The following WDR17 variants were observed in gnomAD, a reference collection of about 807,000 sequenced individuals.
The protein encoded by WDR17 is WD repeat-containing protein 17.
WDR17 carries 143 observed loss-of-function variants against 161.7 expected under a neutral mutation model. That is an observed-to-expected ratio of 0.88 (90% CI 0.77 to 1.02). The LOEUF (loss-of-function observed/expected upper bound fraction) is 1.02. Ranked by LOEUF, WDR17 falls within the 50% of genes least tolerant of loss-of-function variation. WDR17 has a pLI of 0.00. For synonymous variants in WDR17, 517 were observed against 515.6 expected (o/e 1.00, Z -0.04); for missense variants, 1,469 against 1,520.9 (o/e 0.97, Z 0.57).
At chr4:176,175,216 C>T (rs1050966511) in intron 26 of WDR17, among the ~76,000 whole-genome samples, 3 of 152,146 alleles carry the variant, frequency 2.0e-5, no homozygotes, top group Admixed American at 2.0e-4. Context: ...GGGTTTTATG[C>T]CCACATCTCA....
chr4:176,155,174 T>G (rs1747864900), intron 17 of WDR17, among the ~76,000 whole-genome samples: 1 of 152,162 alleles, frequency 6.6e-6, no homozygotes, highest in Non-Finnish European at 1.5e-5. Flanking sequence ...TCAACATATT[T>G]TTCAAAGTAC....
At chr4:176,135,574 A>G (rs1404809175) in intron 8 of WDR17, among the ~76,000 whole-genome samples, 2 of 151,608 alleles carry the variant, frequency 1.3e-5, no homozygotes, top group Non-Finnish European at 3.0e-5. Flanking sequence ...CTTTAGAAGT[A>G]TAATACAATT....
At chr4:176,161,996 A>C in intron 20 of WDR17, 79 bp from the exon 21 acceptor site, 1 of 1,227,404 alleles carries the variant, frequency 8.1e-7, no homozygotes, top group Non-Finnish European at 1.1e-6. Flanking sequence ...TCTTTTTATC[A>C]TACCTTTTAA....
chr4:176,112,171 A>C (rs542711860), intron 2 of WDR17, among the ~76,000 whole-genome samples: 1 of 152,206 alleles, frequency 6.6e-6, no homozygotes, highest in Non-Finnish European at 1.5e-5. Flanking sequence ...ATTCAAAGTC[A>C]GTATCTCAGT....
Position 176,167,666 on chromosome 4 carries a change from A to AAAC in WDR17, c.2991-1004_2991-1003insCAA, listed in dbSNP as rs1554036572. Reference sequence around the variant, plus strand: ...TCTCAAAAAAAAAAAAAAAAAAAAAAAAAAAACAATATCTTGAATTATTGA... The same window carrying AAAC: ...TCTCAAAAAAAAAAAAAAAAAAAAAAAACAAAAAACAATATCTTGAATTATTGA... On this transcript the variant is annotated intron_variant, in intron 22 of 28. Coordinates refer to ENST00000508596, the MANE Select transcript of WDR17 (RefSeq NM_181265.4). 4.8e-3 allele frequency among the ~76,000 whole-genome samples: 673 copies of AAAC among 139,946 alleles called. 35 individuals carry two copies. Among genetic ancestry groups the AAAC allele is most frequent in the Middle Eastern group, 0.015 (4 of 262 alleles). The allele number at this position is 139,946 out of a possible 152,430, so 91.8% of individuals were successfully genotyped here.
Position 176,149,331 on chromosome 4 carries a change from G to A in WDR17, c.1898-476G>A, listed in dbSNP as rs751771886. Among the ~76,000 whole-genome samples, 4 of 151,526 alleles carry A rather than the reference G, an allele frequency of 2.6e-5. 1 individual carries two copies. Among genetic ancestry groups the A allele is most frequent in the East Asian group, 3.9e-4 (2 of 5,166 alleles). On this transcript the variant is annotated intron_variant, in intron 13 of 28. Transcript: ENST00000508596. The stretch of plus-strand genomic sequence containing the variant: ...GTTGCCCAGGATGGTGTACAGTGGC[G>A]CAAACACAGCTCACGTCAACCTTCA...
At chr4:176,081,736 G>T (rs918639461) in intron 1 of WDR17, among the ~76,000 whole-genome samples, 1 of 152,124 alleles carries the variant, frequency 6.6e-6, no homozygotes. Flanking sequence ...CAATGTTCCG[G>T]TCAGAAGGGC....
At chr4:176,071,215 T>A (rs1733188628) in intron 1 of WDR17, among the ~76,000 whole-genome samples, 1 of 152,078 alleles carries the variant, frequency 6.6e-6, no homozygotes, top group East Asian at 1.9e-4. Flanking sequence ...TATCTTTTTA[T>A]GACAAATATT....
chr4:176,160,077 A>AT lies in WDR17; in HGVS notation c.2615dup (p.Met873HisfsTer7), dbSNP rs1748797619. On this transcript the variant is annotated frameshift_variant, in exon 19 of 29. Coordinates refer to ENST00000508596, the MANE Select transcript of WDR17 (RefSeq NM_181265.4). LOFTEE classifies it high-confidence loss of function. ...ATTGGTGATGTGAAAAAGCTAGTCC[A>AT]TTTTTTCATGTCAAGAGGTCAGCTT... 1 of 1,613,822 alleles carries AT rather than the reference A, an allele frequency of 6.2e-7. No individual in the cohort carries two copies. Among genetic ancestry groups the AT allele is most frequent in the Non-Finnish European group, 8.5e-7 (1 of 1,179,838 alleles).
At chr4:176,119,830 G>A in intron 3 of WDR17, 37 bp from the exon 4 acceptor site, 1 of 1,554,768 alleles carries the variant, frequency 6.4e-7, no homozygotes, top group Non-Finnish European at 8.9e-7. Flanking sequence ...ATCTTATGCT[G>A]TATCTTTATT....
intron 1 of WDR17, among the ~76,000 whole-genome samples, chr4:176,087,079 C>T (rs1217873239): frequency 6.6e-6 from 1 of 151,862 alleles, no homozygotes; most frequent in African/African-American, 2.4e-5. Flanking sequence ...TTTCATAAGA[C>T]ATTACAATGA....
intron 1 of WDR17, 180 bp from the exon 2 acceptor site, chr4:176,111,395 T>C: frequency 2.2e-6 from 1 of 450,854 alleles, no homozygotes; most frequent in Non-Finnish European, 3.6e-6. Flanking sequence ...GTTGCCTTGA[T>C]GTCTGCAGAC....
At chr4:176,127,803 A>C (rs1303933902) in intron 5 of WDR17, among the ~76,000 whole-genome samples, 1 of 152,050 alleles carries the variant, frequency 6.6e-6, no homozygotes, top group Non-Finnish European at 1.5e-5. Flanking sequence ...CTGCCTCCCT[A>C]CAGTCCCGGA....
At position 176,172,449 on chromosome 4, in the gene WDR17, T is replaced by A; in HGVS notation, c.3177T>A (p.Thr1059=). The part of the protein sequence containing the change: ...TARADDNIFE[T]VKYYLLSQEP... ...GTGCAGATGACAATATATTTGAAAC[T>A]GTAAAATATTACTTGTTAAGTCAAG... The change falls in exon 24 of 29, where the codon ACT becomes ACA. Residue 1059 remains threonine, a synonymous_variant. Transcript: ENST00000508596. 3.1e-6 allele frequency: 5 copies of A among 1,611,878 alleles called. No individual in the cohort carries two copies. Among genetic ancestry groups the A allele is most frequent in the Non-Finnish European group, 4.2e-6 (5 of 1,179,392 alleles).
At chr4:176,077,298 T>C (rs1734180778) in intron 1 of WDR17, among the ~76,000 whole-genome samples, 1 of 151,848 alleles carries the variant, frequency 6.6e-6, no homozygotes, top group Admixed American at 6.6e-5. Flanking sequence ...TCCCAGGCCA[T>C]GCATGGTTTA....
chr4:176,181,207 G>A lies in WDR17; in HGVS notation c.*1628G>A, dbSNP rs1752121355. On this transcript the variant is annotated 3_prime_UTR_variant, in exon 29 of 29. Coordinates refer to ENST00000508596, the MANE Select transcript of WDR17 (RefSeq NM_181265.4). ...TCCATTTTATTAAAAAAAAAAAATT[G>A]CCTGTAATCCCAGCACTTCAGGAGG... 1 of 151,010 alleles carries A rather than the reference G, an allele frequency of 6.6e-6. No homozygotes were observed. Among genetic ancestry groups the A allele is most frequent in the Non-Finnish European group, 1.5e-5 (1 of 67,852 alleles). The allele number at this position is 151,010 out of a possible 1,614,324, so 9.4% of individuals were successfully genotyped here.
intron 28 of WDR17, among the ~76,000 whole-genome samples, chr4:176,178,858 A>T (rs1751835839): frequency 6.6e-6 from 1 of 152,234 alleles, no homozygotes; most frequent in African/African-American, 2.4e-5. Context: ...TCCTTATCAG[A>T]GCTAGGTAAT....
At chr4:176,142,523 A>C (rs1375558315) in intron 11 of WDR17, among the ~76,000 whole-genome samples, 2 of 152,216 alleles carry the variant, frequency 1.3e-5, no homozygotes, top group African/African-American at 4.8e-5. Context: ...GCCTGGTTTT[A>C]AAAGGTCAAT....
intron 1 of WDR17, among the ~76,000 whole-genome samples, chr4:176,104,248 C>T (rs1264084661): frequency 6.6e-6 from 1 of 151,968 alleles, no homozygotes; most frequent in African/African-American, 2.4e-5. Context: ...TTTAAACCTG[C>T]TTTGGAAGAA....
Sources: allele counts gnomAD v4.1 joint callset (sites outside exome capture counted in the v4.1 genomes callset), GRCh38; gene constraint gnomAD v4.1.1; transcripts MANE v1.5; gene names NCBI Gene and HGNC (gene_info 2026-07-23, HGNC 2026-07-21).